Variants in TCF7L1 observed in about 807,000 individuals in gnomAD.
The protein encoded by TCF7L1 is transcription factor 7 like 1, also known as transcription factor 7-like 1.
Under a neutral mutation model 63.7 loss-of-function variants are expected in TCF7L1, and 18 were observed. The observed-to-expected ratio is 0.28, with a 90% CI of 0.20 to 0.42. The LOEUF (loss-of-function observed/expected upper bound fraction) is 0.42. TCF7L1 is among the 10% of genes least tolerant of loss of function. The pLI is 1.00. For missense variants in TCF7L1, 654 were observed against 779.3 expected (o/e 0.84, Z 1.91); for synonymous variants, 355 against 340.9 (o/e 1.04, Z -0.46).
At position 85,266,300 on chromosome 2, in the gene TCF7L1, A is replaced by G. The variant is rs1421518840; in HGVS notation, c.442-17195A>G. On this transcript the variant is annotated intron_variant, in intron 3 of 11. Transcript: ENST00000282111. ...TAAGCCTTCAGAAGACTTGATACATACTTCCAAATTGCACAAGACAGGATT... is the reference window on the plus strand; with the variant it reads ...TAAGCCTTCAGAAGACTTGATACATGCTTCCAAATTGCACAAGACAGGATT... Among the ~76,000 whole-genome samples, 3 of 152,232 alleles carry G rather than the reference A, an allele frequency of 2.0e-5. No individual in the cohort carries two copies. The South Asian group carries it at 6.2e-4, about 32-fold the overall frequency.
intron 3 of TCF7L1, among the ~76,000 whole-genome samples, chr2:85,175,519 A>G (rs1678660126): frequency 6.6e-6 from 1 of 152,110 alleles, no homozygotes; most frequent in Non-Finnish European, 1.5e-5. Flanking sequence ...GGTAGCCAGG[A>G]TGGGGGGTGG....
chr2:85,262,061 A>G, intron 3 of TCF7L1: 3 of 535,022 alleles, frequency 5.6e-6, no homozygotes, highest in South Asian at 4.1e-5. Flanking sequence ...ACTTTGTAGC[A>G]GAGGAATACC....
intron 3 of TCF7L1, among the ~76,000 whole-genome samples, chr2:85,168,192 A>AACACACACACACACACACACACACACAC (rs55736939): frequency 2.7e-5 from 4 of 145,602 alleles, no homozygotes; most frequent in African/African-American, 7.6e-5. Flanking sequence ...GTTCTTACCA[A>AACACACACACACACACACACACACACAC]ACACACACAC....
intron 3 of TCF7L1, among the ~76,000 whole-genome samples, chr2:85,260,034 C>T (rs531555373): frequency 6.6e-6 from 1 of 152,324 alleles, no homozygotes; most frequent in South Asian, 2.1e-4. Flanking sequence ...CACTAAACTG[C>T]AGGCTTATCT....
intron 3 of TCF7L1, among the ~76,000 whole-genome samples, chr2:85,150,668 T>C (rs1338774387): frequency 6.6e-6 from 1 of 152,138 alleles, no homozygotes; most frequent in African/African-American, 2.4e-5. Flanking sequence ...GTTCTTATTG[T>C]ATCTCCTCAG....
intron 4 of TCF7L1, among the ~76,000 whole-genome samples, chr2:85,300,922 G>A (rs573498117): frequency 6.6e-6 from 1 of 151,932 alleles, no homozygotes; most frequent in East Asian, 1.9e-4. Context: ...TGGGACTATA[G>A]GCACACGCCA....
intron 3 of TCF7L1, among the ~76,000 whole-genome samples, chr2:85,228,512 C>T (rs746976870): frequency 2.0e-5 from 3 of 152,068 alleles, no homozygotes; most frequent in African/African-American, 7.2e-5. Flanking sequence ...CCAGTGGGGA[C>T]GTTGTGCTGA....
intron 3 of TCF7L1, among the ~76,000 whole-genome samples, chr2:85,260,534 G>A (rs913919466): frequency 3.2e-4 from 49 of 151,836 alleles, no homozygotes; most frequent in African/African-American, 1.2e-3. Flanking sequence ...CCAGCTACCC[G>A]GTGGGGACTG....
intron 4 of TCF7L1, among the ~76,000 whole-genome samples, chr2:85,286,681 G>C (rs7559779): frequency 0.2 from 31,154 of 151,980 alleles, 5,003 homozygotes; most frequent in African/African-American, 0.44. Flanking sequence ...TTTTAATAGA[G>C]ACAGGGTTTC....
At chr2:85,248,581 GACA>G (rs1680522150) in intron 3 of TCF7L1, among the ~76,000 whole-genome samples, 2 of 152,178 alleles carry the variant, frequency 1.3e-5, no homozygotes, top group Non-Finnish European at 2.9e-5. Context: ...GTGAACACCT[GACA>G]ACATTTGTTT....
chr2:85,226,978 C>A (rs1001305479), intron 3 of TCF7L1, among the ~76,000 whole-genome samples: 1 of 152,070 alleles, frequency 6.6e-6, no homozygotes, highest in Admixed American at 6.6e-5. Context: ...GCACCGCTGC[C>A]GCCGTTTTAC....
intron 3 of TCF7L1, among the ~76,000 whole-genome samples, chr2:85,238,979 C>T (rs557080387): frequency 6.6e-6 from 1 of 152,074 alleles, no homozygotes; most frequent in African/African-American, 2.4e-5. Context: ...TCCACCACCA[C>T]ACCGACTAAT....
At chr2:85,166,696 T>C (rs1377669381) in intron 3 of TCF7L1, among the ~76,000 whole-genome samples, 1 of 152,208 alleles carries the variant, frequency 6.6e-6, no homozygotes, top group African/African-American at 2.4e-5. Flanking sequence ...GGAAGGCATT[T>C]GATACAAATC....
intron 3 of TCF7L1, among the ~76,000 whole-genome samples, chr2:85,165,271 C>T (rs1036976446): frequency 2.6e-5 from 4 of 152,236 alleles, no homozygotes; most frequent in Non-Finnish European, 4.4e-5. Flanking sequence ...TTGAGGCTGC[C>T]GTGTGTGTGC....
chr2:85,146,941 T>C (rs1379327664), intron 3 of TCF7L1, among the ~76,000 whole-genome samples: 1 of 152,236 alleles, frequency 6.6e-6, no homozygotes. Flanking sequence ...TTTTCTGCAC[T>C]GTGCAGCTCT....
intron 3 of TCF7L1, among the ~76,000 whole-genome samples, chr2:85,281,802 C>A (rs762420145): frequency 5.9e-5 from 9 of 152,154 alleles, no homozygotes; most frequent in Non-Finnish European, 8.8e-5. Flanking sequence ...TTGTTCCTGC[C>A]CATGGACACC....
intron 3 of TCF7L1, among the ~76,000 whole-genome samples, chr2:85,194,334 G>A (rs1370086560): frequency 6.6e-6 from 1 of 152,142 alleles, no homozygotes; most frequent in African/African-American, 2.4e-5. Flanking sequence ...TTCGAGACCA[G>A]CCTGGTCAAC....
At chr2:85,304,195 CCT>C in intron 6 of TCF7L1, 58 bp from the exon 7 acceptor site, 1 of 1,520,356 alleles carries the variant, frequency 6.6e-7, no homozygotes. Flanking sequence ...TTCCCAAGTG[CCT>C]CTCTTCCTCT....
chr2:85,274,430 G>A (rs965708074), intron 3 of TCF7L1, among the ~76,000 whole-genome samples: 3 of 152,134 alleles, frequency 2.0e-5, no homozygotes, highest in Non-Finnish European at 2.9e-5. Context: ...TGCAGCTGTC[G>A]GGGGACATAC....
Sources: gnomAD v4.1 joint callset for allele counts (sites outside exome capture counted in the v4.1 genomes callset) on GRCh38, gnomAD v4.1.1 for gene constraint, MANE v1.5 for transcripts, NCBI Gene and HGNC (gene_info 2026-07-23, HGNC 2026-07-21) for gene names.